ADAMTS9: variants seen among roughly 807,000 people sequenced by gnomAD.
ADAMTS9 encodes ADAM metallopeptidase with thrombospondin type 1 motif 9.
A neutral mutation model predicts 257.1 loss-of-function variants in ADAMTS9; 107 were observed. That is an observed-to-expected ratio of 0.42 (90% CI 0.36 to 0.49). The LOEUF (loss-of-function observed/expected upper bound fraction) is 0.49, where lower values mean the gene tolerates loss of function less well. Among genes scored for constraint, ADAMTS9 ranks in the 20% least tolerant of loss-of-function variants. The pLI, the probability that ADAMTS9 is intolerant of heterozygous loss-of-function variation, is 0.03. For missense variants in ADAMTS9, 2,353 were observed against 2,469.1 expected (o/e 0.95, Z 1.00); for synonymous variants, 982 against 880.9 (o/e 1.11, Z -2.03).
At chr3:64,629,523 A>G (rs1163350236) in intron 16 of ADAMTS9, among the ~76,000 whole-genome samples, 1 of 152,132 alleles carries the variant, frequency 6.6e-6, no homozygotes, top group African/African-American at 2.4e-5. Context: ...CTTCCCCTAA[A>G]TAGCTTATTA....
At chr3:64,606,391 G>C (rs2084556559) in intron 23 of ADAMTS9, among the ~76,000 whole-genome samples, 1 of 152,116 alleles carries the variant, frequency 6.6e-6, no homozygotes, top group Admixed American at 6.6e-5. Flanking sequence ...CACAGAGCTG[G>C]GGAGAGATAG....
chr3:64,616,759 T>C (rs1281563625), intron 19 of ADAMTS9, among the ~76,000 whole-genome samples: 1 of 152,186 alleles, frequency 6.6e-6, no homozygotes, highest in East Asian at 1.9e-4. Context: ...CTAAATAGAA[T>C]ATTCTAAATA....
intron 16 of ADAMTS9, among the ~76,000 whole-genome samples, chr3:64,631,228 G>C (rs1464550374): frequency 6.6e-6 from 1 of 152,196 alleles, no homozygotes; most frequent in Admixed American, 6.5e-5. Flanking sequence ...AAGATCCAGA[G>C]TAAATCCCTT....
chr3:64,610,500 T>C (rs2084644302), intron 22 of ADAMTS9, among the ~76,000 whole-genome samples: 1 of 103,942 alleles, frequency 9.6e-6, no homozygotes, highest in East Asian at 2.6e-4. Context: ...ATTAACACAA[T>C]TCATATTTTT....
At chr3:64,530,554 G>A (rs73834487) in intron 38 of ADAMTS9, among the ~76,000 whole-genome samples, 2,189 of 145,856 alleles carry the variant, frequency 0.015, 49 homozygotes, top group African/African-American at 0.052. Context: ...AAAAAATGCC[G>A]ACAGGCAATT....
At chr3:64,533,342 T>A in intron 37 of ADAMTS9, 72 bp from the exon 38 acceptor site, 1 of 1,170,072 alleles carries the variant, frequency 8.5e-7, no homozygotes, top group Non-Finnish European at 1.3e-6. Context: ...GCAAAGGTGA[T>A]ACAATAAAAG....
At chr3:64,655,032 A>G (rs567536160) in intron 6 of ADAMTS9, among the ~76,000 whole-genome samples, 2 of 152,330 alleles carry the variant, frequency 1.3e-5, no homozygotes, top group Non-Finnish European at 2.9e-5. Context: ...TTAAGCCAGC[A>G]CGCGTCTTTG....
chr3:64,517,416 G>GGTTTTTTTTTTTTTTTTTT, intron 39 of ADAMTS9, among the ~76,000 whole-genome samples: 1 of 52,638 alleles, frequency 1.9e-5, no homozygotes, highest in Non-Finnish European at 3.8e-5. Flanking sequence ...ATTAAAAATG[G>GGTTTTTTTTTTTTTTTTTT]TTTTTTTTTT....
At chr3:64,602,567 C>T (rs1436828556) in intron 25 of ADAMTS9, among the ~76,000 whole-genome samples, 1 of 152,190 alleles carries the variant, frequency 6.6e-6, no homozygotes, top group African/African-American at 2.4e-5. Flanking sequence ...TACCATTCGC[C>T]ACTCACTGCA....
intron 19 of ADAMTS9, among the ~76,000 whole-genome samples, chr3:64,618,842 C>T (rs1291279061): frequency 6.6e-6 from 1 of 152,082 alleles, no homozygotes; most frequent in African/African-American, 2.4e-5. Context: ...TACACAAAAA[C>T]TCATGGCTTC....
At chr3:64,582,069 TG>T (rs2084018192) in intron 28 of ADAMTS9, among the ~76,000 whole-genome samples, 1 of 152,164 alleles carries the variant, frequency 6.6e-6, no homozygotes. Flanking sequence ...TCATCTAAAA[TG>T]TTTTCTGACC....
chr3:64,624,020 C>G (rs1700168987), intron 16 of ADAMTS9, among the ~76,000 whole-genome samples: 1 of 144,028 alleles, frequency 6.9e-6, no homozygotes, highest in South Asian at 2.2e-4. Flanking sequence ...CTAAAATAGT[C>G]AAACCCATAG....
intron 28 of ADAMTS9, among the ~76,000 whole-genome samples, chr3:64,580,653 T>C (rs2106740753): frequency 6.6e-6 from 1 of 152,176 alleles, no homozygotes; most frequent in East Asian, 1.9e-4. Context: ...AATTTGAGTT[T>C]CTTTGAAAGC....
intron 27 of ADAMTS9, 37 bp downstream of exon 27, chr3:64,596,793 A>G (rs746159670): frequency 1.2e-6 from 2 of 1,611,386 alleles, no homozygotes; most frequent in Admixed American, 1.7e-5. Flanking sequence ...GGTTAACACA[A>G]TTCCTCTGTA....
At chr3:64,641,320 A>AT (rs1342834187) in intron 12 of ADAMTS9, among the ~76,000 whole-genome samples, 1 of 108,516 alleles carries the variant, frequency 9.2e-6, no homozygotes, top group Non-Finnish European at 2.0e-5. Context: ...TTTTATTTTT[A>AT]TTTTTTATTA....
intron 30 of ADAMTS9, among the ~76,000 whole-genome samples, chr3:64,556,761 C>CT (rs1358213914): frequency 1.3e-5 from 2 of 151,342 alleles, no homozygotes; most frequent in African/African-American, 4.9e-5. Flanking sequence ...TTCCTCCCTC[C>CT]CTTTCTTCCT....
At chr3:64,539,364 C>T in intron 36 of ADAMTS9, 70 bp from the exon 37 acceptor site, 1 of 1,299,648 alleles carries the variant, frequency 7.7e-7, no homozygotes, top group East Asian at 2.3e-5. Flanking sequence ...AGGAACAGGA[C>T]ATTAACAAGG....
intron 9 of ADAMTS9, chr3:64,650,189 A>G (rs1006668570): frequency 3.7e-4 from 58 of 156,578 alleles, no homozygotes; most frequent in Non-Finnish European, 6.0e-4. Context: ...GAGCGAATCA[A>G]TGACTCATAG....
At chr3:64,644,127 A>G (rs1309312502) in intron 11 of ADAMTS9, among the ~76,000 whole-genome samples, 1 of 152,266 alleles carries the variant, frequency 6.6e-6, no homozygotes, top group Non-Finnish European at 1.5e-5. Context: ...CCACTTAAAT[A>G]ACAGTGGCAA....
Sources: gnomAD v4.1 joint callset for allele counts (sites outside exome capture counted in the v4.1 genomes callset) on GRCh38, gnomAD v4.1.1 for gene constraint, MANE v1.5 for transcripts, NCBI Gene and HGNC (gene_info 2026-07-23, HGNC 2026-07-21) for gene names.